SLC12A1: variants seen among roughly 807,000 people sequenced by gnomAD.
The protein encoded by SLC12A1 is Na-K-2Cl cotransporter.
Under a neutral mutation model 130.4 loss-of-function variants are expected in SLC12A1, and 89 were observed. The observed-to-expected ratio is 0.68, with a 90% CI of 0.58 to 0.81. SLC12A1 has a LOEUF of 0.81. Ranked by LOEUF, SLC12A1 falls within the 40% of genes least tolerant of loss-of-function variation. The probability of loss-of-function intolerance (pLI) is 0.00; values close to 1 mark genes in which losing one functional copy is unlikely to be tolerated. For synonymous variants in SLC12A1, 499 were observed against 460.0 expected (o/e 1.08, Z -1.09); for missense variants, 1,310 against 1,336.4 (o/e 0.98, Z 0.31).
chr15:48,299,094 G>T, intron 24 of SLC12A1, 46 bp from the exon 25 acceptor site: 2 of 1,545,246 alleles, frequency 1.3e-6, no homozygotes, highest in Non-Finnish European at 1.8e-6. Flanking sequence ...GTGAAATAAT[G>T]AGTTAGTTTC....
intron 21 of SLC12A1, among the ~76,000 whole-genome samples, chr15:48,287,330 G>A (rs1470304094): frequency 6.6e-6 from 1 of 151,072 alleles, no homozygotes; most frequent in Non-Finnish European, 1.5e-5. Flanking sequence ...TATAACTCAA[G>A]TAAAGATGTT....
chr15:48,256,333 G>A (rs746176370), intron 16 of SLC12A1, among the ~76,000 whole-genome samples: 16 of 152,182 alleles, frequency 1.1e-4, no homozygotes, highest in South Asian at 4.1e-4. Flanking sequence ...AACCTCAAGC[G>A]CAAGCTTGTA....
At chr15:48,247,910 C>T (rs576076125) in intron 13 of SLC12A1, among the ~76,000 whole-genome samples, 1 of 152,280 alleles carries the variant, frequency 6.6e-6, no homozygotes, top group South Asian at 2.1e-4. Flanking sequence ...CTGAGTCAGA[C>T]TCACTGAGGG....
intron 2 of SLC12A1, among the ~76,000 whole-genome samples, chr15:48,219,419 G>A (rs1272337271): frequency 2.0e-5 from 3 of 151,980 alleles, no homozygotes; most frequent in African/African-American, 7.3e-5. Context: ...ACCTTGGCGT[G>A]GTGGTGCACC....
At chr15:48,210,581 G>T (rs371583557) in intron 2 of SLC12A1, among the ~76,000 whole-genome samples, 52 of 151,846 alleles carry the variant, frequency 3.4e-4, no homozygotes, top group South Asian at 2.3e-3. Flanking sequence ...AAGCCTGGGT[G>T]TGGTGGCTCA....
chr15:48,208,019 T>A lies in SLC12A1; in HGVS notation c.300T>A (p.Thr100=), dbSNP rs1448472811. 6.2e-7 allele frequency: 1 copy of A among 1,613,818 alleles called. No homozygotes were observed. The highest frequency in any genetic ancestry group is 8.5e-7 in the Non-Finnish European group (1 of 1,179,892). ...ACACAAACACATACTATCTACAAAC[T>A]TTTGGCCACAACACCATGGATGCCG... ...DSHTNTYYLQ[T]FGHNTMDAVP... is the part of the protein sequence containing the mutation. The change falls in exon 2 of 27, where the codon ACT becomes ACA. Residue 100 remains threonine, a synonymous_variant. Coordinates refer to ENST00000380993, the MANE Select transcript of SLC12A1 (RefSeq NM_000338.3).
chr15:48,238,350 T>C (rs1199977618), intron 9 of SLC12A1, among the ~76,000 whole-genome samples: 1 of 152,184 alleles, frequency 6.6e-6, no homozygotes, highest in East Asian at 1.9e-4. Flanking sequence ...AGGGCAGGAC[T>C]GGCAGCCTTG....
At position 48,259,295 on chromosome 15, in the gene SLC12A1, G is replaced by C. The variant is rs1466297888; in HGVS notation, c.2138G>C (p.Cys713Ser). The C allele has an allele frequency of 6.2e-7, 1 of 1,612,026 alleles. No individual in the cohort carries two copies. Among genetic ancestry groups the C allele is most frequent in the Non-Finnish European group, 8.5e-7 (1 of 1,178,146 alleles). Residue 713 changes from cysteine (C) to serine (S), a missense_variant, in exon 17 of 27, where the codon TGC becomes TCC. Coordinates refer to ENST00000380993, the MANE Select transcript of SLC12A1 (RefSeq NM_000338.3). ...AFTKNSGLCI[C>S]CEVFVGPRKL... ...ACCAAGAACAGTGGCCTTTGCATCTGCTGTGAAGTCTTTGTGGTAAGAGCC... is the reference window on the plus strand; with the variant it reads ...ACCAAGAACAGTGGCCTTTGCATCTCCTGTGAAGTCTTTGTGGTAAGAGCC...
chr15:48,286,557 A>G (rs2042062406), intron 21 of SLC12A1, among the ~76,000 whole-genome samples: 1 of 152,238 alleles, frequency 6.6e-6, no homozygotes, highest in Non-Finnish European at 1.5e-5. Context: ...TCATAGCCCA[A>G]TAATGTGCTC....
At chr15:48,221,882 A>G (rs994869153) in intron 4 of SLC12A1, among the ~76,000 whole-genome samples, 2 of 152,200 alleles carry the variant, frequency 1.3e-5, no homozygotes, top group African/African-American at 4.8e-5. Context: ...AAGGTATCTC[A>G]ATTCACATTT....
rs1436356595 is a variant in SLC12A1, at chr15:48,301,462, CT to C, written c.3164+81del. On this transcript the variant is annotated intron_variant, in intron 26 of 26. Transcript: ENST00000380993. ...GGTTAATCCATTTAAAAGCTTGGGA[CT>C]CTTCAGGTGGGAATTTTGTTTTGTT... The C allele has an allele frequency of 1.9e-4, 173 of 907,442 alleles. 1 individual carries two copies. The Admixed American group carries it at 5.0e-3, about 26-fold the overall frequency. The allele number at this position is 907,442 out of a possible 1,614,324, so 56.2% of individuals were successfully genotyped here. A position where few individuals can be genotyped will look rare whatever the true frequency, so the allele number is the denominator to read the frequency against.
At chr15:48,248,822 T>C (rs904536776) in intron 13 of SLC12A1, among the ~76,000 whole-genome samples, 3 of 152,208 alleles carry the variant, frequency 2.0e-5, no homozygotes, top group Non-Finnish European at 4.4e-5. Flanking sequence ...CGTGGGCAGA[T>C]CACTGGAGGT....
chr15:48,243,056 C>T (rs1349389193), intron 10 of SLC12A1, among the ~76,000 whole-genome samples: 1 of 151,968 alleles, frequency 6.6e-6, no homozygotes, highest in African/African-American at 2.4e-5. Flanking sequence ...TACATTTCTA[C>T]ACTTTCCTAG....
rs1213678720 is a variant in SLC12A1, at chr15:48,302,993, G to A, written c.*108G>A. ...ATCTATGGATATGCAAACCTCTGGA[G>A]AGGATCCTACCAGATTCTACATACA... On this transcript the variant is annotated 3_prime_UTR_variant, in exon 27 of 27. Transcript: ENST00000380993. 1.2e-6 allele frequency: 1 copy of A among 866,544 alleles called. No individual in the cohort carries two copies. The allele number at this position is 866,544 out of a possible 1,614,324, so 53.7% of individuals were successfully genotyped here. A position where few individuals can be genotyped will look rare whatever the true frequency, so the allele number is the denominator to read the frequency against.
At chr15:48,221,169 T>C (rs1027815085) in intron 4 of SLC12A1, among the ~76,000 whole-genome samples, 173 bp downstream of exon 4, 7 of 152,236 alleles carry the variant, frequency 4.6e-5, no homozygotes, top group African/African-American at 1.7e-4. Context: ...AGGTGAAGAG[T>C]TAACTCCTAT....
intron 2 of SLC12A1, among the ~76,000 whole-genome samples, chr15:48,211,897 A>G (rs370623329): frequency 6.6e-6 from 1 of 152,208 alleles, no homozygotes; most frequent in East Asian, 1.9e-4. Context: ...GTAATTGAAG[A>G]AATTCTTTTT....
intron 16 of SLC12A1, 24 bp downstream of exon 16, chr15:48,255,934 C>G (rs760074846): frequency 6.8e-7 from 1 of 1,471,936 alleles, no homozygotes; most frequent in East Asian, 2.4e-5. Flanking sequence ...CTCAGGCATC[C>G]TGGTGTTTTT....
At chr15:48,233,138 A>C (rs938752368) in intron 8 of SLC12A1, among the ~76,000 whole-genome samples, 35 of 152,188 alleles carry the variant, frequency 2.3e-4, no homozygotes, top group African/African-American at 8.4e-4. Flanking sequence ...TGGATAGTAC[A>C]TTTCTCCAGG....
At chr15:48,276,089 G>T (rs1038578388) in intron 20 of SLC12A1, among the ~76,000 whole-genome samples, 2 of 152,182 alleles carry the variant, frequency 1.3e-5, no homozygotes, top group Non-Finnish European at 2.9e-5. Context: ...GCGTTTGGGA[G>T]TTGATTGAAT....
Sources: gnomAD v4.1 joint callset for allele counts (sites outside exome capture counted in the v4.1 genomes callset) on GRCh38, gnomAD v4.1.1 for gene constraint, MANE v1.5 for transcripts, NCBI Gene and HGNC (gene_info 2026-07-23, HGNC 2026-07-21) for gene names.